YBX3: variants seen among roughly 807,000 people sequenced by gnomAD.
The protein encoded by YBX3 is Y-box binding protein 3.
In YBX3, 29 loss-of-function variants were observed where a neutral mutation model predicts 42.4. The ratio of observed to expected loss-of-function variants is 0.68; its 90% CI spans 0.51 to 0.93. The LOEUF (loss-of-function observed/expected upper bound fraction) is 0.93. Ranked by LOEUF, YBX3 falls within the 40% of genes least tolerant of loss-of-function variation. The pLI, the probability that YBX3 is intolerant of heterozygous loss-of-function variation, is 0.00. For synonymous variants in YBX3, 195 were observed against 189.8 expected (o/e 1.03, Z -0.22); for missense variants, 517 against 527.5 (o/e 0.98, Z 0.19).
chr12:10,710,128 G>A lies in YBX3; in HGVS notation c.574-14C>T. On this transcript the variant is annotated splice_polypyrimidine_tract_variant and intron_variant, in intron 5 of 9. Coordinates refer to ENST00000228251, the MANE Select transcript of YBX3 (RefSeq NM_003651.5). ...CTCCCCAGCGTACTAGCGAAGCAAA[G>A]AAACAGAGATTCAGAAGAAGTTTTA... is the stretch of plus-strand genomic sequence containing the variant. The A allele has an allele frequency of 6.2e-7, 1 of 1,610,714 alleles. No individual in the cohort carries two copies.
intron 1 of YBX3, among the ~76,000 whole-genome samples, chr12:10,719,913 G>A (rs1231151905): frequency 3.3e-5 from 5 of 152,192 alleles, no homozygotes; most frequent in Non-Finnish European, 4.4e-5. Context: ...GCAGAATTGA[G>A]AGAAGGAATC....
chr12:10,714,151 T>C (rs1591580577), intron 4 of YBX3, among the ~76,000 whole-genome samples: 1 of 152,152 alleles, frequency 6.6e-6, no homozygotes, highest in Admixed American at 6.5e-5. Flanking sequence ...ACTTACAAGA[T>C]ACCCTGGGGA....
At chr12:10,721,645 A>C (rs901458942) in intron 1 of YBX3, among the ~76,000 whole-genome samples, 2 of 152,136 alleles carry the variant, frequency 1.3e-5, no homozygotes, top group African/African-American at 4.8e-5. Context: ...GAAAAAAAAA[A>C]CAAGAAAATA....
At chr12:10,710,313 T>C in intron 5 of YBX3, 199 bp from the exon 6 acceptor site, 1 of 1,446,674 alleles carries the variant, frequency 6.9e-7, no homozygotes, top group African/African-American at 1.4e-5. Context: ...AGTAGATCTG[T>C]GCAGATAAAA....
chr12:10,713,834 G>C (rs1235356981), intron 4 of YBX3, among the ~76,000 whole-genome samples: 2 of 152,184 alleles, frequency 1.3e-5, no homozygotes, highest in Admixed American at 1.3e-4. Context: ...CAAGAAGAAA[G>C]GGTCTTTGAT....
At chr12:10,704,241 A>G (rs2120911191) in intron 6 of YBX3, 93 bp from the exon 7 acceptor site, 1 of 1,025,694 alleles carries the variant, frequency 9.7e-7, no homozygotes. Flanking sequence ...TTTAGAAGTA[A>G]AAAACAAAAT....
chr12:10,723,196 C>A lies in YBX3; in HGVS notation c.-85G>T. The A allele has an allele frequency of 8.5e-7, 1 of 1,177,134 alleles. No homozygotes were observed. The allele number at this position is 1,177,134 out of a possible 1,614,324, so 72.9% of individuals were successfully genotyped here. A position where few individuals can be genotyped will look rare whatever the true frequency, so the allele number is the denominator to read the frequency against. On this transcript the variant is annotated 5_prime_UTR_variant, in exon 1 of 10. Coordinates refer to ENST00000228251, the MANE Select transcript of YBX3 (RefSeq NM_003651.5). Reference sequence around the variant, plus strand: ...CGGCTGGTGGTCGCGGCGGCCGGGGCTCGCTCTCGGGGAGGCCGGGGCGGA... The same window carrying A: ...CGGCTGGTGGTCGCGGCGGCCGGGGATCGCTCTCGGGGAGGCCGGGGCGGA...
intron 6 of YBX3, among the ~76,000 whole-genome samples, chr12:10,708,862 A>C (rs574849211): frequency 2.3e-4 from 35 of 152,332 alleles, no homozygotes; most frequent in African/African-American, 8.2e-4. Flanking sequence ...GCCAAACACT[A>C]AGGAGGAGTA....
At position 10,701,253 on chromosome 12, in the gene YBX3, C is replaced by T. The variant is rs771024079; in HGVS notation, c.*34+1G>A. ...CAAGACTGGGCTGCCCCAGCTCTTA[C>T]CTGCCGATGGTGAAGGTGCCTGAGG... On this transcript the variant is annotated splice_donor_variant, in intron 9 of 9. Coordinates refer to ENST00000228251, the MANE Select transcript of YBX3 (RefSeq NM_003651.5). LOFTEE classifies it low-confidence loss of function (3UTR_SPLICE). 3.3e-5 allele frequency: 26 copies of T among 777,606 alleles called. 1 individual carries two copies. The highest frequency in any genetic ancestry group is 6.0e-5 in the Non-Finnish European group (25 of 417,504). The allele number at this position is 777,606 out of a possible 1,614,324, so 48.2% of individuals were successfully genotyped here.
At chr12:10,715,612 T>C (rs528425659) in intron 4 of YBX3, 82 bp downstream of exon 4, 4 of 1,274,776 alleles carry the variant, frequency 3.1e-6, no homozygotes, top group East Asian at 4.6e-5. Context: ...GTCATGTCAA[T>C]TCATAAGGGG....
Position 10,722,875 on chromosome 12 carries a change from G to C in YBX3, c.237C>G (p.Ser79Arg), listed in dbSNP as rs1948346537. 1.3e-6 allele frequency: 2 copies of C among 1,486,648 alleles called. No homozygotes were observed. The highest frequency in any genetic ancestry group is 1.3e-5 in the South Asian group (1 of 75,292). The allele number at this position is 1,486,648 out of a possible 1,614,324, so 92.1% of individuals were successfully genotyped here. The stretch of plus-strand genomic sequence containing the variant: ...CGAGAACTTTTTTCTCCGCGTCTTC[G>C]CTGCCGGCGGCGGTGGCTAAAGAGG... ...AAASLATAAG[S>R]EDAEKKVLAT... Residue 79 changes from serine to arginine, a missense_variant, in exon 1 of 10, where the codon AGC becomes AGG. This residue lies in a region of YBX3 where 420 missense variants were observed against 408.5 expected (regional missense o/e 1.03). Transcript: ENST00000228251.
intron 7 of YBX3, chr12:10,703,530 C>A (rs905086233): frequency 4.7e-6 from 2 of 425,694 alleles, no homozygotes. Context: ...TACCTTTAAT[C>A]CCCAACTATA....
intron 1 of YBX3, chr12:10,721,838 GAC>G (rs1161312053): frequency 6.6e-6 from 1 of 152,190 alleles, no homozygotes; most frequent in East Asian, 1.9e-4. Flanking sequence ...GAACGATATG[GAC>G]ACACACCCTT....
At chr12:10,719,009 A>G in intron 2 of YBX3, 71 bp downstream of exon 2, 2 of 1,430,702 alleles carry the variant, frequency 1.4e-6, no homozygotes, top group East Asian at 4.6e-5. Flanking sequence ...ATGAAGGCTA[A>G]GGGATTTATA....
At chr12:10,714,793 T>C (rs1948241542) in intron 4 of YBX3, among the ~76,000 whole-genome samples, 1 of 151,942 alleles carries the variant, frequency 6.6e-6, no homozygotes, top group Non-Finnish European at 1.5e-5. Context: ...GGAATCTTGC[T>C]CTGTCCCCCA....
chr12:10,710,100 C>T lies in YBX3; in HGVS notation c.588G>A (p.Glu196=). ...CACTGCTGCCGCTCCCTTCCTCCTC[C>T]TCCTCCCCAGCGTACTAGCGAAGCA... The part of the protein sequence containing the change: ...RGPPRNYAGE[E]EEEGSGSSEG... The change falls in exon 6 of 10, where the codon GAG becomes GAA. Residue 196 remains glutamate, a synonymous_variant. Transcript: ENST00000228251. 2.5e-6 allele frequency: 4 copies of T among 1,613,540 alleles called. No homozygotes were observed. Among genetic ancestry groups the T allele is most frequent in the Non-Finnish European group, 3.4e-6 (4 of 1,179,904 alleles).
chr12:10,710,684 G>T, intron 5 of YBX3: 1 of 804,914 alleles, frequency 1.2e-6, no homozygotes, highest in Non-Finnish European at 1.8e-6. Flanking sequence ...GAAGTATATG[G>T]TGGGGTCTCC....
intron 3 of YBX3, among the ~76,000 whole-genome samples, chr12:10,717,276 A>G (rs1006291229): frequency 2.6e-5 from 4 of 152,200 alleles, no homozygotes; most frequent in African/African-American, 9.7e-5. Context: ...TCTGCACTGC[A>G]AGAGAATGGG....
chr12:10,706,961 G>A (rs1285391330), intron 6 of YBX3, among the ~76,000 whole-genome samples: 2 of 152,080 alleles, frequency 1.3e-5, no homozygotes, highest in African/African-American at 4.8e-5. Flanking sequence ...AGCTTGCAGT[G>A]AGCCGAGATC....
Sources: gnomAD v4.1 joint callset for allele counts (sites outside exome capture counted in the v4.1 genomes callset) on GRCh38, gnomAD v4.1.1 for gene constraint, gnomAD v4.1.1 regional missense constraint, MANE v1.5 for transcripts, NCBI Gene and HGNC (gene_info 2026-07-23, HGNC 2026-07-21) for gene names.